PKHD1: variants seen among roughly 807,000 people sequenced by gnomAD.
PKHD1 encodes the protein PKHD1 ciliary IPT domain containing fibrocystin/polyductin.
In PKHD1, 291 loss-of-function variants were observed where a neutral mutation model predicts 412.0. The ratio of observed to expected loss-of-function variants is 0.71; its 90% CI spans 0.64 to 0.78. PKHD1 has a LOEUF of 0.78. PKHD1 is among the 30% of genes least tolerant of loss of function. The probability of loss-of-function intolerance (pLI) is 0.00; values close to 1 mark genes in which losing one functional copy is unlikely to be tolerated. For missense variants in PKHD1, 4,825 were observed against 4,950.7 expected, an observed-to-expected ratio of 0.97 and a Z score of 0.76; for synonymous variants, 1,777 against 1,821.5, an observed-to-expected ratio of 0.98 and a Z score of 0.62.
chr6:51,656,180 T>C (rs1771815910), intron 61 of PKHD1, among the ~76,000 whole-genome samples: 1 of 152,174 alleles, frequency 6.6e-6, no homozygotes, highest in African/African-American at 2.4e-5. Context: ...AATCAGTTCA[T>C]GCCCTTTGCA....
At chr6:51,818,716 A>C (rs1765881010) in intron 52 of PKHD1, among the ~76,000 whole-genome samples, 1 of 152,244 alleles carries the variant, frequency 6.6e-6, no homozygotes, top group African/African-American at 2.4e-5. Flanking sequence ...CACGTGGCTA[A>C]GTTTACACTA....
chr6:52,065,909 T>A (rs1027271537), intron 12 of PKHD1, 67 bp downstream of exon 12: 4 of 830,916 alleles, frequency 4.8e-6, no homozygotes, highest in Non-Finnish European at 8.5e-6. Flanking sequence ...CCTCATGCCA[T>A]ACAGACATAT....
intron 39 of PKHD1, among the ~76,000 whole-genome samples, chr6:51,909,799 G>C (rs145832079): frequency 6.6e-6 from 1 of 152,044 alleles, no homozygotes; most frequent in Non-Finnish European, 1.5e-5. Context: ...ATCCTCTGGA[G>C]GAAATGTGCA....
intron 13 of PKHD1, among the ~76,000 whole-genome samples, chr6:52,063,050 G>A (rs933356805): frequency 3.9e-5 from 6 of 152,132 alleles, no homozygotes. Flanking sequence ...TATCTTTTAA[G>A]TCCCAGTTCT....
intron 61 of PKHD1, among the ~76,000 whole-genome samples, chr6:51,658,406 A>G (rs1772242598): frequency 2.0e-5 from 3 of 152,106 alleles, no homozygotes; most frequent in Non-Finnish European, 4.4e-5. Context: ...TTAGCTGAAT[A>G]TTTCTCCAAG....
chr6:51,825,405 T>C (rs148151165), intron 52 of PKHD1, among the ~76,000 whole-genome samples: 5 of 152,248 alleles, frequency 3.3e-5, no homozygotes, highest in Non-Finnish European at 7.4e-5. Context: ...AACACCTTTC[T>C]TAGGCTATTC....
intron 37 of PKHD1, 72 bp downstream of exon 37, chr6:51,934,038 T>C: frequency 8.3e-7 from 1 of 1,205,622 alleles, no homozygotes; most frequent in Non-Finnish European, 1.2e-6. Context: ...CAAGGACTTT[T>C]AAACAGTTTT....
In PKHD1 at chr6:52,033,008, C is replaced by T. The variant is rs1188806853; in HGVS notation, c.3364+22G>A. Reference sequence around the variant, plus strand: ...ACCAATGCTCTAAGAAGAAAAAGATCTTGCAGTATCACATATTTTACCTGC... The same window carrying T: ...ACCAATGCTCTAAGAAGAAAAAGATTTTGCAGTATCACATATTTTACCTGC... On this transcript the variant is annotated intron_variant, in intron 29 of 66. Transcript: ENST00000371117. The T allele has an allele frequency of 3.1e-6, 5 of 1,597,652 alleles. No homozygotes were observed. In the African/African-American group the frequency reaches 5.4e-5, roughly 17 times the overall value.
chr6:51,963,338 A>G (rs531414563), intron 35 of PKHD1, among the ~76,000 whole-genome samples: 3 of 152,146 alleles, frequency 2.0e-5, no homozygotes, highest in Non-Finnish European at 4.4e-5. Flanking sequence ...ATGTTTAAGC[A>G]TTCAGTTTCA....
chr6:51,669,501 C>T (rs1486037463), intron 60 of PKHD1, among the ~76,000 whole-genome samples: 3 of 149,120 alleles, frequency 2.0e-5, no homozygotes, highest in East Asian at 2.0e-4. Flanking sequence ...AAACCAGCTC[C>T]TGGATTCATT....
chr6:51,972,189 T>C (rs1020404573), intron 35 of PKHD1, among the ~76,000 whole-genome samples: 5 of 152,284 alleles, frequency 3.3e-5, no homozygotes, highest in Non-Finnish European at 7.4e-5. Flanking sequence ...AAAAGAAAGA[T>C]AAGGCAACAA....
Position 52,082,501 on chromosome 6 carries a change from A to T in PKHD1, c.172T>A (p.Leu58Met), listed in dbSNP as rs1253866804. The change falls in exon 4 of 67, where the codon TTG becomes ATG. Residue 58 changes from leucine to methionine, a missense_variant. By Grantham distance (15) the Leu-to-Met change is conservative. Coordinates refer to ENST00000371117, the MANE Select transcript of PKHD1 (RefSeq NM_138694.4). ...GVLYPNNGSQLEIHLVNVNMV... is the reference protein window; with the variant it reads ...GVLYPNNGSQMEIHLVNVNMV... ...TTCACGTTCACCAGGTGTATCTCCA[A>T]TTGAGAGCCATTGTTGGGGTAAAGA... The T allele has an allele frequency of 6.2e-7, 1 of 1,614,090 alleles. No individual in the cohort carries two copies. Among genetic ancestry groups the T allele is most frequent in the African/African-American group, 1.3e-5 (1 of 75,044 alleles).
chr6:51,941,551 A>G (rs9395748), intron 36 of PKHD1, among the ~76,000 whole-genome samples: 104,988 of 151,046 alleles, frequency 0.7, 37,771 homozygotes, highest in East Asian at 0.94. Context: ...CACCGCACCC[A>G]GCCCAGCATG....
intron 60 of PKHD1, among the ~76,000 whole-genome samples, chr6:51,716,937 C>T (rs1781340602): frequency 6.6e-6 from 1 of 152,064 alleles, no homozygotes; most frequent in African/African-American, 2.4e-5. Flanking sequence ...TAGCATTGAA[C>T]CCTTGACACT....
In PKHD1 at chr6:51,793,750, C is replaced by T. The variant is rs749957766; in HGVS notation, c.8303-2377G>A. On this transcript the variant is annotated intron_variant, in intron 52 of 66. Transcript: ENST00000371117. Reference sequence around the variant, plus strand: ...AGTATTCCATTGTATCTATGTACCACATTTTCTGTATCCAGTCTATCATTG... The same window carrying T: ...AGTATTCCATTGTATCTATGTACCATATTTTCTGTATCCAGTCTATCATTG... 6.4e-4 allele frequency among the ~76,000 whole-genome samples: 97 copies of T among 152,212 alleles called. 1 individual carries two copies. Among genetic ancestry groups the T allele is most frequent in the Non-Finnish European group, 1.0e-3 (68 of 68,044 alleles).
chr6:51,740,124 G>T, intron 60 of PKHD1: 1 of 466,076 alleles, frequency 2.1e-6, no homozygotes, highest in Non-Finnish European at 4.3e-6. Context: ...TGCTTGGCAT[G>T]AGCTGTCTTG....
At chr6:52,053,385 CA>C in intron 20 of PKHD1, 134 bp from the exon 21 acceptor site, 2 of 862,170 alleles carry the variant, frequency 2.3e-6, no homozygotes, top group Non-Finnish European at 1.9e-6. Flanking sequence ...CCCCTGCACC[CA>C]AGCAGTCCTG....
chr6:51,655,803 A>T (rs1013726669), intron 61 of PKHD1, among the ~76,000 whole-genome samples: 3 of 152,152 alleles, frequency 2.0e-5, no homozygotes, highest in Admixed American at 2.0e-4. Context: ...ATCTCATGCC[A>T]GTCAGAAAGG....
intron 49 of PKHD1, among the ~76,000 whole-genome samples, chr6:51,850,652 G>A (rs577052329): frequency 1.3e-5 from 2 of 152,104 alleles, no homozygotes; most frequent in Admixed American, 6.5e-5. Flanking sequence ...TCTCTTTGTA[G>A]CAATTGTGAA....
Sources: allele counts gnomAD v4.1 joint callset (sites outside exome capture counted in the v4.1 genomes callset), GRCh38; gene constraint gnomAD v4.1.1; transcripts MANE v1.5; gene names NCBI Gene and HGNC (gene_info 2026-07-23, HGNC 2026-07-21).